ZNF519: variants seen among roughly 807,000 people sequenced by gnomAD.
The protein encoded by ZNF519 is zinc finger protein 519, also known as similar to Zinc finger protein 85 (Zinc finger protein HPF4) (HTF1).
In ZNF519, 7 loss-of-function variants were observed where a neutral mutation model predicts 7.4. The ratio of observed to expected loss-of-function variants is 0.94; its 90% CI spans 0.54 to 1.77. The LOEUF (loss-of-function observed/expected upper bound fraction) is 1.77, where lower values mean the gene tolerates loss of function less well. Among genes scored for constraint, ZNF519 ranks in the 40% most tolerant of loss-of-function variants. The pLI is 0.00. For synonymous variants in ZNF519, 179 were observed against 203.3 expected, an observed-to-expected ratio of 0.88 and a Z score of 1.02; for missense variants, 586 against 623.1, an observed-to-expected ratio of 0.94 and a Z score of 0.63.
intron 2 of ZNF519, among the ~76,000 whole-genome samples, chr18:14,094,842 G>A (rs544807812): frequency 6.6e-6 from 1 of 152,010 alleles, no homozygotes; most frequent in South Asian, 2.1e-4. Flanking sequence ...GCCCCCAGAT[G>A]CATTTTTATT....
rs749348533 is a variant in ZNF519 at position 14,106,061 on chromosome 18, AT to A, written c.478del (p.Ile160Ter). On this transcript the variant is annotated frameshift_variant, in exon 3 of 3. Transcript: ENST00000590202. LOFTEE classifies it low-confidence loss of function (END_TRUNC). ...AATATTTGAGTCATGGTTAAAATTT[AT>A]CTGATTTTTATTACAAAAGACAGAT... Reference protein sequence around the residue: ...LKSVFCNKNQINFNHDSNISK... With the variant: ...LKSVFCNKNQXNFNHDSNISK... 6.3e-7 allele frequency: 1 copy of A among 1,595,392 alleles called. No individual in the cohort carries two copies. Among genetic ancestry groups the A allele is most frequent in the African/African-American group, 1.4e-5 (1 of 73,758 alleles).
In ZNF519 at chr18:14,123,484, C is replaced by T. The variant is rs562895405; in HGVS notation, c.130+866G>A. The stretch of plus-strand genomic sequence containing the variant: ...CTGTAATCTCAATACTTTGAGAGGC[C>T]GAGGCAGGAGGACTGCCTGAGCTCA... On this transcript the variant is annotated intron_variant, in intron 2 of 2. Coordinates refer to ENST00000590202, the MANE Select transcript of ZNF519 (RefSeq NM_145287.4). Among the ~76,000 whole-genome samples the T allele has an allele frequency of 9.2e-5, 14 of 152,192 alleles. 1 individual carries two copies. The South Asian group carries it at 2.7e-3, about 29-fold the overall frequency.
At chr18:14,125,280 T>C (rs143173217) in intron 1 of ZNF519, among the ~76,000 whole-genome samples, 1 of 152,210 alleles carries the variant, frequency 6.6e-6, no homozygotes, top group Non-Finnish European at 1.5e-5. Flanking sequence ...AATGGCAATG[T>C]CTGAATAAGT....
intron 1 of ZNF519, among the ~76,000 whole-genome samples, chr18:14,126,433 T>C (rs1395335393): frequency 6.6e-6 from 1 of 152,200 alleles, no homozygotes; most frequent in Non-Finnish European, 1.5e-5. Context: ...TAATAACTTC[T>C]CTTCTGTCCA....
intron 2 of ZNF519, among the ~76,000 whole-genome samples, chr18:14,110,935 T>C (rs1032338508): frequency 6.6e-6 from 1 of 152,026 alleles, no homozygotes; most frequent in Non-Finnish European, 1.5e-5. Flanking sequence ...ACATATTAAG[T>C]ACAGTGTACA....
At chr18:14,085,490 A>G (rs535579912) in intron 2 of ZNF519, among the ~76,000 whole-genome samples, 2 of 152,206 alleles carry the variant, frequency 1.3e-5, no homozygotes, top group South Asian at 4.2e-4. Flanking sequence ...TCCAGTGATC[A>G]TCTCCCCCAC....
At chr18:14,128,763 C>T (rs1030140529) in intron 1 of ZNF519, among the ~76,000 whole-genome samples, 2 of 150,406 alleles carry the variant, frequency 1.3e-5, no homozygotes, top group African/African-American at 4.9e-5. Context: ...AAATGATTTA[C>T]ATATATTTCA....
At chr18:14,083,629 G>T (rs1017512149) in intron 3 of ZNF519, among the ~76,000 whole-genome samples, 1 of 151,960 alleles carries the variant, frequency 6.6e-6, no homozygotes, top group African/African-American at 2.4e-5. Context: ...ACACTACAGG[G>T]CCAGGTGCAG....
rs2046164501 is a variant in ZNF519 at position 14,102,025 on chromosome 18, T to C, written c.*2892A>G. Reference sequence around the variant, plus strand: ...CTACTGATTATGTTTTTTGAGAATTTTATGCCCTGGTAGACCACAAATGAA... The same window carrying C: ...CTACTGATTATGTTTTTTGAGAATTCTATGCCCTGGTAGACCACAAATGAA... On this transcript the variant is annotated 3_prime_UTR_variant, in exon 3 of 3. Coordinates refer to ENST00000590202, the MANE Select transcript of ZNF519 (RefSeq NM_145287.4). 2.0e-5 allele frequency: 6 copies of C among 306,652 alleles called. No individual in the cohort carries two copies. The Admixed American group carries it at 3.0e-4, about 15-fold the overall frequency. 19.0% of individuals were successfully genotyped at this position (306,652 alleles called of 1,614,324 possible). A position where few individuals can be genotyped will look rare whatever the true frequency, so the allele number is the denominator to read the frequency against.
At chr18:14,086,624 G>A (rs182231278) in intron 2 of ZNF519, among the ~76,000 whole-genome samples, 5 of 152,276 alleles carry the variant, frequency 3.3e-5, no homozygotes, top group African/African-American at 1.2e-4. Context: ...CCCAACCTGG[G>A]GACCGTAAAC....
intron 1 of ZNF519, among the ~76,000 whole-genome samples, chr18:14,127,162 T>TA (rs1168653052): frequency 6.6e-6 from 1 of 152,182 alleles, no homozygotes; most frequent in African/African-American, 2.4e-5. Flanking sequence ...CTCCCACTGC[T>TA]AAGGTGCTTG....
At position 14,105,059 on chromosome 18, in the gene ZNF519, C is replaced by T. The variant is rs764094866; in HGVS notation, c.1481G>A (p.Gly494Asp). The change falls in exon 3 of 3, where the codon GGC (glycine) becomes GAC (aspartate). Residue 494 changes from glycine (G) to aspartate (D), a missense_variant. By Grantham distance (94) the Gly-to-Asp change is moderately conservative. Coordinates refer to ENST00000590202, the MANE Select transcript of ZNF519 (RefSeq NM_145287.4). Reference protein sequence around the residue: ...GEKFFKCKECGKAFTRSSHLT... With the variant: ...GEKFFKCKECDKAFTRSSHLT... ...GTGTGAGCTCCTGGTAAAAGCTTTG[C>T]CACATTCTTTACATTTGAAGAATTT... 6.2e-7 allele frequency: 1 copy of T among 1,611,832 alleles called. No homozygotes were observed. The highest frequency in any genetic ancestry group is 1.1e-5 in the South Asian group (1 of 90,674).
intron 2 of ZNF519, among the ~76,000 whole-genome samples, chr18:14,118,309 C>A (rs542649746): frequency 6.6e-6 from 1 of 152,146 alleles, no homozygotes; most frequent in Non-Finnish European, 1.5e-5. Flanking sequence ...CCACCTGCCT[C>A]GGCCTACCAA....
At chr18:14,131,395 G>A (rs1188521073) in intron 1 of ZNF519, among the ~76,000 whole-genome samples, 2 of 152,220 alleles carry the variant, frequency 1.3e-5, no homozygotes, top group African/African-American at 2.4e-5. Flanking sequence ...GAGCGTAGAA[G>A]TTGGCTTTGG....
intron 1 of ZNF519, 99 bp from the exon 2 acceptor site, chr18:14,124,575 C>T: frequency 7.1e-7 from 1 of 1,410,766 alleles, no homozygotes; most frequent in Non-Finnish European, 9.7e-7. Context: ...CTAGGATTAT[C>T]TGATAAAATA....
chr18:14,102,636 TGTAGA>T lies in ZNF519; in HGVS notation c.*2276_*2280del, dbSNP rs1420727558. 2.6e-5 allele frequency: 4 copies of T among 152,196 alleles called. No individual in the cohort carries two copies. Among genetic ancestry groups the T allele is most frequent in the African/African-American group, 7.2e-5 (3 of 41,446 alleles). 9.4% of individuals were successfully genotyped at this position (152,196 alleles called of 1,614,324 possible). A position where few individuals can be genotyped will look rare whatever the true frequency, so the allele number is the denominator to read the frequency against. On this transcript the variant is annotated 3_prime_UTR_variant, in exon 3 of 3. Coordinates refer to ENST00000590202, the MANE Select transcript of ZNF519 (RefSeq NM_145287.4). ...CAAAGGAAATGGTAAGGATACAAAA[TGTAGA>T]GTACTTTTTAAAATAATAATAATTT...
intron 2 of ZNF519, among the ~76,000 whole-genome samples, chr18:14,093,079 A>C (rs1419712710): frequency 6.6e-6 from 1 of 152,152 alleles, no homozygotes; most frequent in East Asian, 1.9e-4. Flanking sequence ...TATTTCCTAT[A>C]CATCAGGAGT....
chr18:14,124,653 T>G (rs1347753070), intron 1 of ZNF519, among the ~76,000 whole-genome samples, 177 bp from the exon 2 acceptor site: 1 of 151,998 alleles, frequency 6.6e-6, no homozygotes, highest in Non-Finnish European at 1.5e-5. Context: ...CAGCAAGCAA[T>G]TTCTGCTGCT....
chr18:14,084,003 C>T (rs1016650271), intron 3 of ZNF519, among the ~76,000 whole-genome samples: 4 of 152,134 alleles, frequency 2.6e-5, no homozygotes, highest in African/African-American at 9.7e-5. Context: ...CCCAGGATGA[C>T]CCCCCAAATG....
Sources: allele counts gnomAD v4.1 joint callset (sites outside exome capture counted in the v4.1 genomes callset), GRCh38; gene constraint gnomAD v4.1.1; transcripts MANE v1.5; gene names NCBI Gene and HGNC (gene_info 2026-07-23, HGNC 2026-07-21).